The following GHR variants were observed in gnomAD, a reference collection of about 807,000 sequenced individuals.
The protein encoded by GHR is growth hormone receptor.
A neutral mutation model predicts 67.1 loss-of-function variants in GHR; 35 were observed. The ratio of observed to expected loss-of-function variants is 0.52; its 90% CI spans 0.40 to 0.69. The LOEUF is 0.69. Among genes scored for constraint, GHR ranks in the 30% least tolerant of loss-of-function variants. The pLI, the probability that GHR is intolerant of heterozygous loss-of-function variation, is 0.00. For synonymous variants in GHR, 272 were observed against 269.1 expected (o/e 1.01, Z -0.10); for missense variants, 792 against 764.6 (o/e 1.04, Z -0.42).
At chr5:42,503,221 T>C (rs535891460) in intron 1 of GHR, among the ~76,000 whole-genome samples, 2 of 152,306 alleles carry the variant, frequency 1.3e-5, no homozygotes, top group Middle Eastern at 3.4e-3. Flanking sequence ...ATGAAGGTTA[T>C]TGAAATACTT....
chr5:42,595,881 G>A (rs1422195255), intron 2 of GHR, among the ~76,000 whole-genome samples: 1 of 152,208 alleles, frequency 6.6e-6, no homozygotes, highest in Admixed American at 6.5e-5. Context: ...ACGTGGCACT[G>A]CACCTCATTG....
Position 42,562,524 on chromosome 5 carries a change from G to C in GHR, c.-11-3340G>C, listed in dbSNP as rs548578607. ...GCAATTTTAAATACTTTTTTCTGCT[G>C]TAAGAGTATGCAAACAGATTTCTGG... is the stretch of plus-strand genomic sequence containing the variant. On this transcript the variant is annotated intron_variant, in intron 1 of 9. Coordinates refer to ENST00000230882, the MANE Select transcript of GHR (RefSeq NM_000163.5). 2.0e-5 allele frequency among the ~76,000 whole-genome samples: 3 copies of C among 152,016 alleles called. No homozygotes were observed. The South Asian group carries it at 6.2e-4, about 32-fold the overall frequency.
chr5:42,665,345 C>A (rs1289578711), intron 3 of GHR, among the ~76,000 whole-genome samples: 2 of 152,192 alleles, frequency 1.3e-5, no homozygotes, highest in Non-Finnish European at 2.9e-5. Flanking sequence ...TTGGAACCAA[C>A]CCGAATGTCC....
rs1554052072 is a variant in GHR, at chr5:42,443,939, TGATATA to T, written c.-12+20001_-12+20006del. ...TCTGGGCACCATGGCCCAGCCAAGG[TGATATA>T]GATATAGATATAGATAGATATAGAT... On this transcript the variant is annotated intron_variant, in intron 1 of 9. Transcript: ENST00000230882. Among the ~76,000 whole-genome samples, 197 of 146,054 alleles carry T rather than the reference TGATATA, an allele frequency of 1.3e-3. 1 individual carries two copies. Among genetic ancestry groups the T allele is most frequent in the African/African-American group, 4.3e-3 (168 of 38,638 alleles).
chr5:42,669,915 G>A (rs1038777368), intron 3 of GHR, among the ~76,000 whole-genome samples: 8 of 152,074 alleles, frequency 5.3e-5, no homozygotes, highest in African/African-American at 1.9e-4. Context: ...TGTATGGATT[G>A]GAAGAATTAA....
At chr5:42,675,864 C>T (rs545708853) in intron 3 of GHR, among the ~76,000 whole-genome samples, 1 of 152,320 alleles carries the variant, frequency 6.6e-6, no homozygotes, top group African/African-American at 2.4e-5. Flanking sequence ...GCTCAGTTGA[C>T]TTGAGATTCA....
intron 3 of GHR, among the ~76,000 whole-genome samples, chr5:42,674,073 G>A (rs996150104): frequency 1.3e-5 from 2 of 152,034 alleles, no homozygotes; most frequent in Non-Finnish European, 2.9e-5. Context: ...GAATTTTGAT[G>A]GTCTCATTAA....
intron 1 of GHR, among the ~76,000 whole-genome samples, chr5:42,548,734 C>G (rs1748863643): frequency 6.6e-6 from 1 of 152,056 alleles, no homozygotes; most frequent in African/African-American, 2.4e-5. Context: ...TGCCCTTTTC[C>G]TTTCTACTCT....
At chr5:42,679,159 TATTA>T (rs1375458096) in intron 3 of GHR, among the ~76,000 whole-genome samples, 22 of 145,756 alleles carry the variant, frequency 1.5e-4, no homozygotes, top group African/African-American at 5.2e-4. Flanking sequence ...GTATATTATA[TATTA>T]ATTAATATAT....
At chr5:42,433,976 T>G (rs934103201) in intron 1 of GHR, among the ~76,000 whole-genome samples, 10 of 152,124 alleles carry the variant, frequency 6.6e-5, no homozygotes, top group Admixed American at 2.6e-4. Context: ...ACCCTGACCC[T>G]ATTGCTGATT....
At chr5:42,482,660 T>A (rs1416130228) in intron 1 of GHR, among the ~76,000 whole-genome samples, 1 of 152,168 alleles carries the variant, frequency 6.6e-6, no homozygotes, top group Non-Finnish European at 1.5e-5. Context: ...CGAGACTCCA[T>A]GGGCATAGGA....
rs576823676 is a variant in GHR, at chr5:42,699,867, C to T, written c.483C>T (p.Asn161=). ...PPIALNWTLL[N]VSLTGIHADI... ...TTGCCCTCAACTGGACTTTACTGAA[C>T]GTCAGTTTAACTGGGATTCATGCAG... Residue 161 remains asparagine, a synonymous_variant, in exon 6 of 10, where the codon AAC becomes AAT. Transcript: ENST00000230882. 3.0e-5 allele frequency: 48 copies of T among 1,610,436 alleles called. No individual in the cohort carries two copies. In the Admixed American group the frequency reaches 4.5e-4, roughly 15 times the overall value.
chr5:42,613,989 T>C (rs1561168527), intron 2 of GHR, among the ~76,000 whole-genome samples: 1 of 152,122 alleles, frequency 6.6e-6, no homozygotes, highest in Non-Finnish European at 1.5e-5. Context: ...TCAAAGGACA[T>C]TTTCTTGCTG....
intron 1 of GHR, among the ~76,000 whole-genome samples, chr5:42,428,045 G>T (rs536806072): frequency 1.3e-5 from 2 of 152,234 alleles, no homozygotes; most frequent in Non-Finnish European, 2.9e-5. Context: ...ACCCACTGGG[G>T]ACTCTGTGTA....
intron 1 of GHR, among the ~76,000 whole-genome samples, chr5:42,540,403 C>A (rs941614458): frequency 2.0e-5 from 3 of 152,006 alleles, no homozygotes; most frequent in Non-Finnish European, 2.9e-5. Flanking sequence ...CATTTTCTAC[C>A]TATTGAGAAT....
rs536123277 is a variant in GHR at position 42,696,794 on chromosome 5, A to T, written c.439+1705A>T. Among the ~76,000 whole-genome samples, 7 of 152,334 alleles carry T rather than the reference A, an allele frequency of 4.6e-5. 1 individual carries two copies. The South Asian group carries it at 1.5e-3, about 32-fold the overall frequency. On this transcript the variant is annotated intron_variant, in intron 5 of 9. Coordinates refer to ENST00000230882, the MANE Select transcript of GHR (RefSeq NM_000163.5). Reference sequence around the variant, plus strand: ...AAAGTCTTACCATGTGTCAGGTATAAAAACCATCTTTTGCAATCACACTTT... The same window carrying T: ...AAAGTCTTACCATGTGTCAGGTATATAAACCATCTTTTGCAATCACACTTT...
intron 2 of GHR, among the ~76,000 whole-genome samples, chr5:42,575,125 A>G (rs985449514): frequency 2.0e-5 from 3 of 152,096 alleles, no homozygotes; most frequent in Admixed American, 1.3e-4. Flanking sequence ...CAAGAGAGTA[A>G]AGGGAGCTAT....
chr5:42,465,317 A>G, intron 1 of GHR: 1 of 711,662 alleles, frequency 1.4e-6, no homozygotes, highest in South Asian at 1.8e-5. Context: ...TTTTTTTTGC[A>G]TGAAAATAAA....
At chr5:42,513,321 A>G (rs1747101374) in intron 1 of GHR, among the ~76,000 whole-genome samples, 1 of 152,206 alleles carries the variant, frequency 6.6e-6, no homozygotes. Context: ...TTTGCTGAGA[A>G]CCCAAATGAC....
Sources: gnomAD v4.1 joint callset for allele counts (sites outside exome capture counted in the v4.1 genomes callset) on GRCh38, gnomAD v4.1.1 for gene constraint, MANE v1.5 for transcripts, NCBI Gene and HGNC (gene_info 2026-07-23, HGNC 2026-07-21) for gene names.